Variants in DENND4A observed in about 807,000 individuals in gnomAD.
DENND4A encodes DENN domain containing 4A.
In DENND4A, 70 loss-of-function variants were observed where a neutral mutation model predicts 199.3. That is an observed-to-expected ratio of 0.35 (90% confidence interval 0.29 to 0.43). The LOEUF (loss-of-function observed/expected upper bound fraction) is 0.43, where lower values mean the gene tolerates loss of function less well. Ranked by LOEUF, DENND4A falls within the 20% of genes least tolerant of loss-of-function variation. DENND4A has a pLI of 1.00. For missense variants in DENND4A, 1,723 were observed against 2,255.8 expected (o/e 0.76, Z 4.78); for synonymous variants, 686 against 766.9 (o/e 0.89, Z 1.74).
intron 1 of DENND4A, among the ~76,000 whole-genome samples, chr15:65,771,018 A>G (rs2140880051): frequency 6.6e-6 from 1 of 152,336 alleles, no homozygotes; most frequent in East Asian, 1.9e-4. Flanking sequence ...TATTTAAAGG[A>G]GCCAGTAGGT....
Position 65,729,189 on chromosome 15 carries a change from G to A in DENND4A, c.1370C>T (p.Ala457Val). 6.3e-7 allele frequency: 1 copy of A among 1,588,502 alleles called. No homozygotes were observed. The highest frequency in any genetic ancestry group is 8.6e-7 in the Non-Finnish European group (1 of 1,166,480). ...TGGACATGGTGCACTCAAGACATCT[G>A]CTAAAGCCAGTGGGCAGAGAGGAAC... ...PYVPLCPLAL[A>V]DVLSAPCPFI... is the part of the protein sequence containing the mutation. The change falls in exon 11 of 33, where the codon GCA becomes GTA. Residue 457 changes from alanine (A) to valine (V), a missense_variant. Physicochemically the swap from Ala to Val is moderately conservative, Grantham distance 64 (BLOSUM62 0). Around this residue, in one of 6 missense-constraint regions of DENND4A, gnomAD observed 725 missense variants for 952.9 expected, o/e 0.76. Coordinates refer to ENST00000443035, the MANE Select transcript of DENND4A (RefSeq NM_001320835.1).
rs529238499 is a variant in DENND4A at position 65,766,991 on chromosome 15, T to G, written c.-101-5553A>C. Among the ~76,000 whole-genome samples, 37 of 152,354 alleles carry G rather than the reference T, an allele frequency of 2.4e-4. No individual in the cohort carries two copies. In the South Asian group the frequency reaches 6.4e-3, roughly 26 times the overall value. ...TGTTCTGGACAGAATAAGAACACAC[T>G]GGAAATAACAGTGTTAATATACAGA... is the stretch of plus-strand genomic sequence containing the variant. On this transcript the variant is annotated intron_variant, in intron 1 of 32. Transcript: ENST00000443035.
At chr15:65,702,640 G>A (rs2074915398) in intron 16 of DENND4A, 129 bp from the exon 17 acceptor site, 1 of 924,494 alleles carries the variant, frequency 1.1e-6, no homozygotes, top group Admixed American at 2.9e-5. Flanking sequence ...TGTAATTAAT[G>A]CGTTTTCAAG....
intron 1 of DENND4A, among the ~76,000 whole-genome samples, chr15:65,774,397 G>A (rs2077222034): frequency 6.6e-6 from 1 of 151,946 alleles, no homozygotes; most frequent in African/African-American, 2.4e-5. Context: ...GGCTGAGGCA[G>A]GAGAATAGCT....
At chr15:65,700,247 T>C (rs1296068210) in intron 20 of DENND4A, among the ~76,000 whole-genome samples, 2 of 152,080 alleles carry the variant, frequency 1.3e-5, no homozygotes, top group South Asian at 2.1e-4. Context: ...GAATTTATTA[T>C]AAGAAAATGA....
intron 24 of DENND4A, among the ~76,000 whole-genome samples, chr15:65,674,920 A>T (rs943116248): frequency 2.6e-5 from 4 of 152,336 alleles, no homozygotes; most frequent in South Asian, 2.1e-4. Flanking sequence ...AGGAACAGAT[A>T]AAGTAAGATT....
chr15:65,755,261 G>A (rs1355113003), intron 3 of DENND4A, among the ~76,000 whole-genome samples: 1 of 152,198 alleles, frequency 6.6e-6, no homozygotes, highest in East Asian at 1.9e-4. Flanking sequence ...CAACTAAGGA[G>A]TACAGGGTTT....
chr15:65,745,607 A>T (rs904696466), intron 4 of DENND4A, among the ~76,000 whole-genome samples: 1 of 152,188 alleles, frequency 6.6e-6, no homozygotes, highest in Non-Finnish European at 1.5e-5. Context: ...GATAAAAAAA[A>T]TTTTATAAAA....
rs144052781 is a variant in DENND4A at position 65,668,058 on chromosome 15, G to A, written c.4853C>T (p.Thr1618Ile). 2.6e-3 allele frequency: 4,122 copies of A among 1,611,482 alleles called. 8 individuals are homozygous for A. The highest frequency in any genetic ancestry group is 2.9e-3 in the Non-Finnish European group (3,470 of 1,179,298). Residue 1618 changes from threonine (T) to isoleucine (I), a missense_variant, in exon 28 of 33, where the codon ACA becomes ATA. Physicochemically the swap from Thr to Ile is moderately conservative, Grantham distance 89 (BLOSUM62 -1). Coordinates refer to ENST00000443035, the MANE Select transcript of DENND4A (RefSeq NM_001320835.1). ...AAATATTGGACATTTAGACATAGCT[G>A]TTTTTGATCTATTAGCAGGGATCTG... Reference protein sequence around the residue: ...SIQIPANRSKTAMSKCPIFPM... With the variant: ...SIQIPANRSKIAMSKCPIFPM...
chr15:65,700,562 C>T lies in DENND4A; in HGVS notation c.2815G>A (p.Asp939Asn), dbSNP rs1271057764. The T allele has an allele frequency of 1.3e-6, 2 of 1,532,562 alleles. No homozygotes were observed. Among genetic ancestry groups the T allele is most frequent in the Admixed American group, 4.2e-5 (2 of 47,968 alleles). 94.9% of individuals were successfully genotyped at this position (1,532,562 alleles called of 1,614,324 possible). A position where few individuals can be genotyped will look rare whatever the true frequency, so the allele number is the denominator to read the frequency against. The change falls in exon 20 of 33, where the codon GAT becomes AAT. Residue 939 changes from aspartate to asparagine, a missense_variant. Asp to Asn is a conservative substitution (Grantham distance 23). Around this residue, in one of 6 missense-constraint regions of DENND4A, gnomAD observed 650 missense variants for 738.1 expected, o/e 0.88. Coordinates refer to ENST00000443035, the MANE Select transcript of DENND4A (RefSeq NM_001320835.1). ...NTGLIKVYATDDRSSTGGQSD... is the reference protein window; with the variant it reads ...NTGLIKVYATNDRSSTGGQSD... ...CACAAACCTGTACTAGATCTATCAT[C>T]AGTAGCATATACTTTGATTAAACCC...
intron 1 of DENND4A, among the ~76,000 whole-genome samples, chr15:65,776,738 C>A (rs868700589): frequency 6.6e-6 from 1 of 152,128 alleles, no homozygotes; most frequent in Non-Finnish European, 1.5e-5. Context: ...AATCACAGAA[C>A]CATGAGCGAA....
rs1389046487 is a variant in DENND4A at position 65,706,208 on chromosome 15, C to T, written c.1970G>A (p.Ser657Asn). Residue 657 changes from serine to asparagine, a missense_variant, in exon 15 of 33, where the codon AGC (serine) becomes AAC (asparagine). By Grantham distance (46) the Ser-to-Asn change is conservative. Coordinates refer to ENST00000443035, the MANE Select transcript of DENND4A (RefSeq NM_001320835.1). Reference sequence around the variant, plus strand: ...CAGTTCTATAAGTCGTACTTCACCGCTCTTGTCCATATCCACCTAAAGGAG... The same window carrying T: ...CAGTTCTATAAGTCGTACTTCACCGTTCTTGTCCATATCCACCTAAAGGAG... ...DCVDKVDMDK[S>N]GEVRLIELDE... 1 of 1,575,946 alleles carries T rather than the reference C, an allele frequency of 6.3e-7. No homozygotes were observed. Among genetic ancestry groups the T allele is most frequent in the Non-Finnish European group, 8.6e-7 (1 of 1,160,940 alleles).
intron 23 of DENND4A, among the ~76,000 whole-genome samples, chr15:65,684,361 C>T (rs1364626890): frequency 3.9e-5 from 6 of 152,186 alleles, no homozygotes; most frequent in Admixed American, 3.9e-4. Context: ...TCCCATTTCT[C>T]CACATCCCCT....
intron 4 of DENND4A, among the ~76,000 whole-genome samples, chr15:65,752,132 G>T (rs1165607162): frequency 1.4e-5 from 2 of 146,782 alleles, no homozygotes; most frequent in Admixed American, 6.8e-5. Context: ...GTGGGCGGGG[G>T]GGGTGGGGGA....
chr15:65,685,131 AT>A (rs755319285), intron 23 of DENND4A, among the ~76,000 whole-genome samples: 137 of 136,196 alleles, frequency 1.0e-3, no homozygotes, highest in Non-Finnish European at 1.0e-3. Flanking sequence ...CCCGCCCACA[AT>A]TTTTTTTTTT....
chr15:65,693,856 T>C (rs994133071), intron 22 of DENND4A, among the ~76,000 whole-genome samples: 3 of 152,060 alleles, frequency 2.0e-5, no homozygotes, highest in Admixed American at 6.6e-5. Context: ...GCAGGATCCG[T>C]GTTTATTTTT....
chr15:65,721,593 T>TA (rs71447857), intron 12 of DENND4A, among the ~76,000 whole-genome samples: 27,773 of 131,494 alleles, frequency 0.21, 3,614 homozygotes, highest in East Asian at 0.71. Context: ...TGACTCCACT[T>TA]AAAAAAAAAA....
chr15:65,723,665 A>G (rs1423661707), intron 11 of DENND4A, among the ~76,000 whole-genome samples: 4 of 152,284 alleles, frequency 2.6e-5, no homozygotes, highest in Non-Finnish European at 5.9e-5. Context: ...GTTTTTTCCC[A>G]AGCATATATA....
chr15:65,758,694 T>C (rs2076776703), intron 2 of DENND4A, among the ~76,000 whole-genome samples: 2 of 152,180 alleles, frequency 1.3e-5, no homozygotes, highest in African/African-American at 4.8e-5. Flanking sequence ...AAGTTTAATC[T>C]AAAACAATTT....
Sources: gnomAD v4.1 joint callset for allele counts (sites outside exome capture counted in the v4.1 genomes callset) on GRCh38, gnomAD v4.1.1 for gene constraint, gnomAD v4.1.1 regional missense constraint, MANE v1.5 for transcripts, NCBI Gene and HGNC (gene_info 2026-07-23, HGNC 2026-07-21) for gene names.